The following ANKFN1 variants were observed in gnomAD, a reference collection of about 807,000 sequenced individuals.
The protein encoded by ANKFN1 is ankyrin repeat and fibronectin type-III domain-containing protein 1.
Under a neutral mutation model 108.7 loss-of-function variants are expected in ANKFN1, and 74 were observed. That is an observed-to-expected ratio of 0.68 (90% CI 0.56 to 0.83). The LOEUF (loss-of-function observed/expected upper bound fraction) is 0.83, where lower values mean the gene tolerates loss of function less well. ANKFN1 is among the 40% of genes least tolerant of loss of function. The probability of loss-of-function intolerance (pLI) is 0.00; values close to 1 mark genes in which losing one functional copy is unlikely to be tolerated. For synonymous variants in ANKFN1, 547 were observed against 516.2 expected, an observed-to-expected ratio of 1.06 and a Z score of -0.81; for missense variants, 1,505 against 1,382.3, an observed-to-expected ratio of 1.09 and a Z score of -1.41.
At chr17:56,220,430 G>A (rs1915747924) in intron 2 of ANKFN1, among the ~76,000 whole-genome samples, 1 of 152,122 alleles carries the variant, frequency 6.6e-6, no homozygotes, top group South Asian at 2.1e-4. Flanking sequence ...AACTTGGCAG[G>A]TGGATGGCTT....
chr17:56,457,410 AT>A, intron 13 of ANKFN1, 21 bp downstream of exon 13: 3 of 1,565,558 alleles, frequency 1.9e-6, no homozygotes, highest in Admixed American at 2.1e-5. Flanking sequence ...TTCTGATTTC[AT>A]TTTTCCCTAC....
intron 19 of ANKFN1, among the ~76,000 whole-genome samples, chr17:56,497,644 A>G (rs370956879): frequency 2.6e-5 from 4 of 152,294 alleles, no homozygotes; most frequent in South Asian, 4.1e-4. Context: ...TTCCACAATC[A>G]GAGAGAGAGA....
chr17:56,430,070 T>A (rs7213627), intron 8 of ANKFN1, among the ~76,000 whole-genome samples: 1 of 151,928 alleles, frequency 6.6e-6, no homozygotes, highest in African/African-American at 2.4e-5. Context: ...GAGAGTCATT[T>A]TGATGTTGGA....
At chr17:56,338,187 C>A (rs1212464460) in intron 4 of ANKFN1, among the ~76,000 whole-genome samples, 1 of 152,030 alleles carries the variant, frequency 6.6e-6, no homozygotes, top group Non-Finnish European at 1.5e-5. Flanking sequence ...TCATTCTCAG[C>A]AAACTATCAC....
intron 3 of ANKFN1, among the ~76,000 whole-genome samples, chr17:56,310,491 C>T (rs1409014143): frequency 1.3e-5 from 2 of 152,026 alleles, no homozygotes; most frequent in African/African-American, 2.4e-5. Flanking sequence ...GTGGCAGGTG[C>T]CTGTAGTCCC....
chr17:56,272,714 C>A (rs988185943), intron 3 of ANKFN1, among the ~76,000 whole-genome samples: 3 of 152,122 alleles, frequency 2.0e-5, no homozygotes, highest in African/African-American at 7.2e-5. Flanking sequence ...TATATTAATT[C>A]TATTTTTAAG....
chr17:56,324,874 G>A (rs569265748), intron 3 of ANKFN1, among the ~76,000 whole-genome samples: 27 of 152,344 alleles, frequency 1.8e-4, no homozygotes, highest in Middle Eastern at 3.4e-3. Context: ...CAGGTTTTAT[G>A]AGTCACTGAG....
intron 10 of ANKFN1, among the ~76,000 whole-genome samples, 190 bp from the exon 11 acceptor site, chr17:56,448,889 T>C (rs1038993455): frequency 1.3e-5 from 2 of 152,168 alleles, no homozygotes; most frequent in African/African-American, 2.4e-5. Context: ...CCACAATTAC[T>C]GTTTTGCACA....
Position 56,490,704 on chromosome 17 carries a change from C to CA in ANKFN1, c.2261-1475dup, listed in dbSNP as rs573332708. Among the ~76,000 whole-genome samples, 242 of 151,200 alleles carry CA rather than the reference C, an allele frequency of 1.6e-3. 1 individual carries two copies. The highest frequency in any genetic ancestry group is 3.4e-3 in the Middle Eastern group (1 of 292). On this transcript the variant is annotated intron_variant, in intron 18 of 20. Transcript: ENST00000682825. ...TATGAAATCAGTTCTCTGTGTCAGGCAAAAAAAAGTGCTAAACAGAGCAGA... is the reference window on the plus strand; with the variant it reads ...TATGAAATCAGTTCTCTGTGTCAGGCAAAAAAAAAGTGCTAAACAGAGCAGA...
At chr17:56,434,923 C>T (rs2048884264) in intron 8 of ANKFN1, among the ~76,000 whole-genome samples, 1 of 152,068 alleles carries the variant, frequency 6.6e-6, no homozygotes, top group Non-Finnish European at 1.5e-5. Context: ...TTAGCTAAGG[C>T]GCCAGGGTGA....
chr17:56,093,705 G>A (rs374890221), intron 4 of ANKFN1, among the ~76,000 whole-genome samples: 22 of 151,312 alleles, frequency 1.5e-4, no homozygotes, highest in East Asian at 1.2e-3. Context: ...CCAAGGTGAA[G>A]TTCCGTATTT....
intron 1 of ANKFN1, among the ~76,000 whole-genome samples, chr17:56,156,193 C>A (rs1316154833): frequency 6.6e-6 from 1 of 151,952 alleles, no homozygotes; most frequent in Admixed American, 6.6e-5. Flanking sequence ...AATTCTCATG[C>A]CTCAACCTCT....
Position 56,512,455 on chromosome 17 carries a change from G to A in ANKFN1, c.*1186G>A, listed in dbSNP as rs2051804804. Among the ~76,000 whole-genome samples the A allele has an allele frequency of 6.6e-6, 1 of 152,118 alleles. No individual in the cohort carries two copies. Among genetic ancestry groups the A allele is most frequent in the African/African-American group, 2.4e-5 (1 of 41,404 alleles). ...AATATGCTCAGAAGCCTTTACAAGT[G>A]GTTAATTCCAAGGATGTGCTAAAAA... On this transcript the variant is annotated 3_prime_UTR_variant, in exon 21 of 21. Coordinates refer to ENST00000682825, the MANE Select transcript of ANKFN1 (RefSeq NM_001370326.1).
rs76568993 is a variant in ANKFN1 at position 56,513,087 on chromosome 17, G to A, written c.*1818G>A. 6.6e-6 allele frequency among the ~76,000 whole-genome samples: 1 copy of A among 152,196 alleles called. No individual in the cohort carries two copies. The highest frequency in any genetic ancestry group is 1.9e-4 in the East Asian group (1 of 5,192). The stretch of plus-strand genomic sequence containing the variant: ...AGGTAGGGCAATTAAGACCCAGAGA[G>A]GTTAAGTAACATGCTCAAGGTCACG... On this transcript the variant is annotated 3_prime_UTR_variant, in exon 21 of 21. Coordinates refer to ENST00000682825, the MANE Select transcript of ANKFN1 (RefSeq NM_001370326.1).
At chr17:56,498,237 T>C (rs923063891) in intron 19 of ANKFN1, among the ~76,000 whole-genome samples, 12 of 152,112 alleles carry the variant, frequency 7.9e-5, no homozygotes, top group African/African-American at 2.7e-4. Flanking sequence ...AAGTCTAATA[T>C]ATGAAGTTAA....
At chr17:56,152,591 C>T (rs189325263), upstream of ANKFN1, among the ~76,000 whole-genome samples, 69 of 152,212 alleles carry the variant, frequency 4.5e-4, no homozygotes, top group Non-Finnish European at 8.8e-4. Context: ...TGCTGAGCCT[C>T]AACTGCTTCA....
intron 8 of ANKFN1, among the ~76,000 whole-genome samples, chr17:56,415,768 C>A (rs1317776355): frequency 6.6e-6 from 1 of 152,112 alleles, no homozygotes; most frequent in East Asian, 1.9e-4. Flanking sequence ...CTATCCTGAG[C>A]AAAAAGAACA....
chr17:56,176,238 C>T (rs77419126), intron 1 of ANKFN1, among the ~76,000 whole-genome samples: 3,495 of 152,080 alleles, frequency 0.023, 131 homozygotes, highest in African/African-American at 0.078. Context: ...GAATGGCAAT[C>T]GCTTGGTTCA....
intron 3 of ANKFN1, among the ~76,000 whole-genome samples, chr17:56,248,975 A>C (rs1008275998): frequency 2.6e-5 from 4 of 152,202 alleles, no homozygotes; most frequent in African/African-American, 4.8e-5. Context: ...CCAATTGCAC[A>C]GGGGAGGTGG....
Sources: gnomAD v4.1 joint callset for allele counts (sites outside exome capture counted in the v4.1 genomes callset) on GRCh38, gnomAD v4.1.1 for gene constraint, MANE v1.5 for transcripts, NCBI Gene and HGNC (gene_info 2026-07-23, HGNC 2026-07-21) for gene names.